SOHLH2: variants seen among roughly 807,000 people sequenced by gnomAD.
The protein encoded by SOHLH2 is spermatogenesis and oogenesis specific basic helix-loop-helix 2, also known as spermatogenesis- and oogenesis-specific basic helix-loop-helix-containing protein 2.
SOHLH2 carries 22 observed loss-of-function variants against 50.4 expected under a neutral mutation model. The observed-to-expected ratio is 0.44, with a 90% CI of 0.31 to 0.62. SOHLH2 has a LOEUF of 0.62. Among genes scored for constraint, SOHLH2 ranks in the 20% least tolerant of loss-of-function variants. The probability of loss-of-function intolerance (pLI) is 0.08; values close to 1 mark genes in which losing one functional copy is unlikely to be tolerated. For synonymous variants in SOHLH2, 185 were observed against 187.3 expected (o/e 0.99, Z 0.10); for missense variants, 412 against 504.4 (o/e 0.82, Z 1.76).
chr13:36,201,489 T>TA (rs397825398), intron 2 of SOHLH2, among the ~76,000 whole-genome samples: 13 of 151,778 alleles, frequency 8.6e-5, no homozygotes, highest in Admixed American at 2.0e-4. Flanking sequence ...TTTTTTTTTT[T>TA]AGAAATAGCA....
chr13:36,185,589 GAAAAAAAA>G (rs1223744458), intron 6 of SOHLH2, among the ~76,000 whole-genome samples: 2 of 151,566 alleles, frequency 1.3e-5, no homozygotes, highest in Non-Finnish European at 2.9e-5. Context: ...CTGCTTCACT[GAAAAAAAA>G]TCGATAAAAC....
intron 6 of SOHLH2, among the ~76,000 whole-genome samples, chr13:36,187,160 A>T (rs1011329516): frequency 6.6e-6 from 1 of 152,160 alleles, no homozygotes; most frequent in Non-Finnish European, 1.5e-5. Flanking sequence ...ACCCCAAAGC[A>T]TCTTTTCAGT....
At chr13:36,210,096 T>C (rs1869021102) in intron 1 of SOHLH2, among the ~76,000 whole-genome samples, 1 of 152,214 alleles carries the variant, frequency 6.6e-6, no homozygotes, top group Admixed American at 6.5e-5. Context: ...GGAGTCCTCA[T>C]CTCATGTATA....
intron 1 of SOHLH2, 141 bp downstream of exon 1, chr13:36,214,338 G>A (rs768713511): frequency 1.9e-6 from 2 of 1,030,354 alleles, no homozygotes; most frequent in Non-Finnish European, 1.4e-6. Flanking sequence ...CCTGGAAGGG[G>A]CCCTTCCTGC....
intron 2 of SOHLH2, among the ~76,000 whole-genome samples, chr13:36,197,108 TC>T (rs1383927302): frequency 6.6e-6 from 1 of 152,200 alleles, no homozygotes; most frequent in Non-Finnish European, 1.5e-5. Flanking sequence ...TACTTCCTCT[TC>T]TATATACCAA....
At chr13:36,190,717 T>C (rs905016513) in intron 5 of SOHLH2, among the ~76,000 whole-genome samples, 1 of 152,168 alleles carries the variant, frequency 6.6e-6, no homozygotes, top group Non-Finnish European at 1.5e-5. Flanking sequence ...GCATACTATG[T>C]AGTCATAAAA....
chr13:36,180,606 AT>A (rs143552466), intron 6 of SOHLH2, among the ~76,000 whole-genome samples: 1,658 of 133,054 alleles, frequency 0.012, 40 homozygotes, highest in African/African-American at 0.041. Flanking sequence ...TTTTCTTGTG[AT>A]TTTTTTTTTT....
At chr13:36,205,469 G>A (rs112729803) in intron 1 of SOHLH2, among the ~76,000 whole-genome samples, 2 of 151,898 alleles carry the variant, frequency 1.3e-5, no homozygotes, top group African/African-American at 2.4e-5. Flanking sequence ...ATCAGAAAAG[G>A]GTGTTGATAT....
chr13:36,176,155 A>G (rs901761321), intron 6 of SOHLH2, among the ~76,000 whole-genome samples: 1 of 152,210 alleles, frequency 6.6e-6, no homozygotes, highest in South Asian at 2.1e-4. Context: ...CATATAAAAT[A>G]TAATCCAAGC....
At chr13:36,174,384 A>C in intron 8 of SOHLH2, 92 bp downstream of exon 8, 1 of 1,537,764 alleles carries the variant, frequency 6.5e-7, no homozygotes. Context: ...CTGCACTTTC[A>C]CTGTGGATAG....
At chr13:36,210,610 C>A (rs562820805) in intron 1 of SOHLH2, among the ~76,000 whole-genome samples, 1 of 152,250 alleles carries the variant, frequency 6.6e-6, no homozygotes, top group African/African-American at 2.4e-5. Flanking sequence ...TTGAAAACAT[C>A]TGCTCTGGAG....
intron 6 of SOHLH2, chr13:36,182,165 G>C: frequency 1.0e-6 from 1 of 985,414 alleles, no homozygotes; most frequent in Non-Finnish European, 1.2e-6. Context: ...CCAAGACTGA[G>C]TGGGGAAATG....
chr13:36,182,758 A>G (rs1296012505), intron 6 of SOHLH2: 2 of 152,314 alleles, frequency 1.3e-5, no homozygotes, highest in Non-Finnish European at 2.9e-5. Flanking sequence ...ATCATGAGAT[A>G]TGATAAACAG....
intron 5 of SOHLH2, 129 bp downstream of exon 5, chr13:36,191,666 A>C: frequency 9.9e-7 from 1 of 1,013,566 alleles, no homozygotes; most frequent in Non-Finnish European, 1.4e-6. Context: ...ATACTTCTGT[A>C]ATGTGTACCC....
chr13:36,180,854 T>C (rs1261733142), intron 6 of SOHLH2, among the ~76,000 whole-genome samples: 1 of 152,142 alleles, frequency 6.6e-6, no homozygotes, highest in African/African-American at 2.4e-5. Context: ...GCTGCAGTTG[T>C]TGGGAGTGTT....
intron 1 of SOHLH2, among the ~76,000 whole-genome samples, chr13:36,212,230 C>T (rs1566049222): frequency 6.6e-6 from 1 of 152,182 alleles, no homozygotes; most frequent in Non-Finnish European, 1.5e-5. Flanking sequence ...TGCATAGCAT[C>T]TTGCACCATG....
intron 6 of SOHLH2, among the ~76,000 whole-genome samples, chr13:36,186,611 T>C (rs1566039492): frequency 6.6e-6 from 1 of 152,146 alleles, no homozygotes; most frequent in African/African-American, 2.4e-5. Context: ...CCCAAAATTA[T>C]TACACCACCA....
intron 1 of SOHLH2, among the ~76,000 whole-genome samples, chr13:36,211,606 G>T (rs574658523): frequency 7.2e-5 from 11 of 152,296 alleles, no homozygotes; most frequent in African/African-American, 2.4e-4. Context: ...AGTGGGAAGG[G>T]AGCAAAGCCA....
intron 6 of SOHLH2, chr13:36,181,950 T>C (rs778248075): frequency 7.9e-6 from 6 of 763,954 alleles, no homozygotes; most frequent in African/African-American, 1.9e-5. Flanking sequence ...GATGGAAATA[T>C]GATTTGCACA....
Sources: gnomAD v4.1 joint callset for allele counts (sites outside exome capture counted in the v4.1 genomes callset) on GRCh38, gnomAD v4.1.1 for gene constraint, MANE v1.5 for transcripts, NCBI Gene and HGNC (gene_info 2026-07-23, HGNC 2026-07-21) for gene names.